Variants in PLEKHO2 observed in about 807,000 individuals in gnomAD.
PLEKHO2 encodes the protein pleckstrin homology domain-containing family O member 2.
A neutral mutation model predicts 32.7 loss-of-function variants in PLEKHO2; 20 were observed. The ratio of observed to expected loss-of-function variants is 0.61; its 90% CI spans 0.43 to 0.89. The LOEUF (loss-of-function observed/expected upper bound fraction) is 0.89, where lower values mean the gene tolerates loss of function less well. PLEKHO2 is among the 40% of genes least tolerant of loss of function. The pLI is 0.00. For missense variants in PLEKHO2, 568 were observed against 621.2 expected (o/e 0.91, Z 0.91); for synonymous variants, 247 against 246.3 (o/e 1.00, Z -0.03).
chr15:64,848,396 T>C (rs1478435488), intron 1 of PLEKHO2, among the ~76,000 whole-genome samples, 197 bp from the exon 2 acceptor site: 1 of 152,234 alleles, frequency 6.6e-6, no homozygotes, highest in Non-Finnish European at 1.5e-5. Context: ...CAGAGTAAAG[T>C]GGCTGCTGCT....
Position 64,866,646 on chromosome 15 carries a change from A to G in PLEKHO2, c.*758A>G. ...GGAAGAGGAATTTAAGGGGTCCCCT[A>G]GTCTAGTCTCTGCCCCTGGATAGTG... On this transcript the variant is annotated 3_prime_UTR_variant, in exon 6 of 6. Transcript: ENST00000323544. 3.2e-6 allele frequency: 1 copy of G among 312,214 alleles called. No homozygotes were observed. The highest frequency in any genetic ancestry group is 6.4e-6 in the Non-Finnish European group (1 of 156,292). The allele number at this position is 312,214 out of a possible 1,614,324, so 19.3% of individuals were successfully genotyped here. A position where few individuals can be genotyped will look rare whatever the true frequency, so the allele number is the denominator to read the frequency against.
In PLEKHO2 at chr15:64,842,309, T is replaced by C. The variant is rs554698752; in HGVS notation, c.12+281T>C. 5.8e-4 allele frequency among the ~76,000 whole-genome samples: 88 copies of C among 152,146 alleles called. 1 individual carries two copies. The highest frequency in any genetic ancestry group is 2.0e-3 in the African/African-American group (85 of 41,496). Reference sequence around the variant, plus strand: ...CCAGGAGACTGAGACTCCAGCGAGATTGATGACTTGCTGAAAGTGGCCTGG... The same window carrying C: ...CCAGGAGACTGAGACTCCAGCGAGACTGATGACTTGCTGAAAGTGGCCTGG... On this transcript the variant is annotated intron_variant, in intron 1 of 5. Coordinates refer to ENST00000323544, the MANE Select transcript of PLEKHO2 (RefSeq NM_025201.5).
At chr15:64,863,335 T>C (rs1012187304) in intron 5 of PLEKHO2, among the ~76,000 whole-genome samples, 1 of 151,974 alleles carries the variant, frequency 6.6e-6, no homozygotes, top group Admixed American at 6.6e-5. Context: ...AGGTCTGTTT[T>C]TGAGTTGCAG....
Position 64,866,515 on chromosome 15 carries a change from C to A in PLEKHO2, c.*627C>A. The A allele has an allele frequency of 2.5e-6, 1 of 394,642 alleles. No homozygotes were observed. The highest frequency in any genetic ancestry group is 7.4e-5 in the East Asian group (1 of 13,486). 24.4% of individuals were successfully genotyped at this position (394,642 alleles called of 1,614,324 possible). The stretch of plus-strand genomic sequence containing the variant: ...GGAGGACATTAGCTGTGTGGCCTCT[C>A]TCTCTTTGGCCCTGTTTCCTTTTTT... On this transcript the variant is annotated 3_prime_UTR_variant, in exon 6 of 6. Transcript: ENST00000323544.
chr15:64,863,984 C>G (rs1332727363), intron 5 of PLEKHO2, among the ~76,000 whole-genome samples: 3 of 152,140 alleles, frequency 2.0e-5, no homozygotes, highest in Non-Finnish European at 1.5e-5. Flanking sequence ...CTCAGGTGAT[C>G]AGCCTGCCTC....
At chr15:64,864,174 G>T (rs2084665169) in intron 5 of PLEKHO2, among the ~76,000 whole-genome samples, 1 of 152,184 alleles carries the variant, frequency 6.6e-6, no homozygotes. Flanking sequence ...CTCTGGGAGG[G>T]TCTCATGACT....
chr15:64,851,577 ATG>A (rs1286252837), intron 2 of PLEKHO2, among the ~76,000 whole-genome samples: 1 of 152,050 alleles, frequency 6.6e-6, no homozygotes, highest in Non-Finnish European at 1.5e-5. Flanking sequence ...CCTCTTTCTG[ATG>A]TAAGGAACTA....
intron 3 of PLEKHO2, among the ~76,000 whole-genome samples, chr15:64,858,139 C>T (rs561569155): frequency 6.2e-4 from 95 of 152,340 alleles, no homozygotes; most frequent in Non-Finnish European, 1.2e-3. Flanking sequence ...GCCCTGATGG[C>T]TGAGCTGAGG....
At position 64,865,250 on chromosome 15, in the gene PLEKHO2, C is replaced by A. The variant is rs1264973147; in HGVS notation, c.835C>A (p.Pro279Thr). 2.5e-6 allele frequency: 4 copies of A among 1,613,898 alleles called. No homozygotes were observed. The highest frequency in any genetic ancestry group is 2.2e-5 in the East Asian group (1 of 44,894). The change falls in exon 6 of 6, where the codon CCC becomes ACC. Residue 279 changes from proline (P) to threonine (T), a missense_variant. Pro to Thr is a conservative substitution (Grantham distance 38). Coordinates refer to ENST00000323544, the MANE Select transcript of PLEKHO2 (RefSeq NM_025201.5). ...GAAGGTGAGCTGGGAGAACCCCAGC[C>A]CCCAGGAGGCCCCTGCTGCAGAGAG... ...KLKVSWENPS[P>T]QEAPAAESAE... is the part of the protein sequence containing the mutation.
intron 2 of PLEKHO2, among the ~76,000 whole-genome samples, chr15:64,849,529 C>T (rs573182668): frequency 1.4e-4 from 21 of 151,732 alleles, no homozygotes; most frequent in African/African-American, 3.4e-4. Context: ...CTGCAACTGC[C>T]GCCTCCCAGG....
In PLEKHO2 at chr15:64,848,868, A is replaced by G. The variant is rs920416627; in HGVS notation, c.162+126A>G. 9 of 1,151,128 alleles carry G rather than the reference A, an allele frequency of 7.8e-6. No homozygotes were observed. In the Admixed American group the frequency reaches 1.0e-4, roughly 13 times the overall value. 71.3% of individuals were successfully genotyped at this position (1,151,128 alleles called of 1,614,324 possible). ...TGCTCTACTTTTGCCATGCTGTGCA[A>G]CCTTGAGCGAGTACCTAATCCTCTC... On this transcript the variant is annotated intron_variant, in intron 2 of 5. Transcript: ENST00000323544.
chr15:64,843,272 C>G (rs986509231), intron 1 of PLEKHO2, among the ~76,000 whole-genome samples: 1 of 152,260 alleles, frequency 6.6e-6, no homozygotes, highest in Non-Finnish European at 1.5e-5. Context: ...CCTCCTCATA[C>G]TCCTGGCCTG....
chr15:64,842,109 G>T (rs976661238), intron 1 of PLEKHO2, 81 bp downstream of exon 1: 2 of 1,161,080 alleles, frequency 1.7e-6, no homozygotes, highest in East Asian at 3.2e-5. Context: ...TCAGGCCCTC[G>T]TTCCTGCCCG....
chr15:64,857,763 T>C (rs2084615283), intron 3 of PLEKHO2, among the ~76,000 whole-genome samples: 1 of 152,208 alleles, frequency 6.6e-6, no homozygotes. Flanking sequence ...CGAGGCAGCC[T>C]GCTTCAGGTG....
chr15:64,862,930 C>T (rs896574659), intron 5 of PLEKHO2, among the ~76,000 whole-genome samples: 40 of 148,756 alleles, frequency 2.7e-4, no homozygotes, highest in Admixed American at 2.7e-4. Context: ...CTCCCCTCTC[C>T]CCCCACCTCT....
chr15:64,859,686 C>T (rs945275884), intron 3 of PLEKHO2, among the ~76,000 whole-genome samples: 4 of 152,194 alleles, frequency 2.6e-5, no homozygotes, highest in East Asian at 1.9e-4. Flanking sequence ...CAGGCTGATT[C>T]GAATCTAGAC....
chr15:64,861,541 G>T lies in PLEKHO2; in HGVS notation c.449G>T (p.Arg150Leu). Residue 150 changes from arginine to leucine, a missense_variant, in exon 5 of 6, where the codon CGA becomes CTA. By Grantham distance (102) the Arg-to-Leu change is moderately radical. Coordinates refer to ENST00000323544, the MANE Select transcript of PLEKHO2 (RefSeq NM_025201.5). ...CGGGACCGGGTGCGAGGGGGCCAGC[G>T]ACGCCGGCCACCAACGAGAGTCCAC... ...VTRDRVRGGQRRRPPTRVHLK... is the reference protein window; with the variant it reads ...VTRDRVRGGQLRRPPTRVHLK... The T allele has an allele frequency of 6.2e-7, 1 of 1,608,058 alleles. No homozygotes were observed.
rs3840838 is a variant in PLEKHO2, at chr15:64,864,886, T to TCC, written c.484-7_484-6dup. On this transcript the variant is annotated splice_polypyrimidine_tract_variant and intron_variant, in intron 5 of 5. Coordinates refer to ENST00000323544, the MANE Select transcript of PLEKHO2 (RefSeq NM_025201.5). ...CAGCCAAGATGACACCCATATACCA[T>TCC]CCCCCCCACCAGGTGGCCAGTGCAG... 1.2e-5 allele frequency: 19 copies of TCC among 1,569,650 alleles called. No homozygotes were observed. The highest frequency in any genetic ancestry group is 5.4e-5 in the Admixed American group (3 of 55,356).
chr15:64,848,546 A>G (rs758417126), intron 1 of PLEKHO2, 47 bp from the exon 2 acceptor site: 13 of 1,610,786 alleles, frequency 8.1e-6, no homozygotes, highest in Non-Finnish European at 1.1e-5. Flanking sequence ...GTGACCTGTG[A>G]CCCCATGGTA....
Sources: allele counts gnomAD v4.1 joint callset (sites outside exome capture counted in the v4.1 genomes callset), GRCh38; gene constraint gnomAD v4.1.1; transcripts MANE v1.5; gene names NCBI Gene and HGNC (gene_info 2026-07-23, HGNC 2026-07-21).